RPRD2: variants seen among roughly 807,000 people sequenced by gnomAD.
The protein encoded by RPRD2 is regulation of nuclear pre-mRNA domain-containing protein 2.
Under a neutral mutation model 104.4 loss-of-function variants are expected in RPRD2, and 12 were observed. That is an observed-to-expected ratio of 0.11 (90% CI 0.07 to 0.19). RPRD2 has a LOEUF of 0.19. Ranked by LOEUF, RPRD2 falls within the 10% of genes least tolerant of loss-of-function variation. The pLI, the probability that RPRD2 is intolerant of heterozygous loss-of-function variation, is 1.00. For missense variants in RPRD2, 1,543 were observed against 1,790.1 expected (o/e 0.86, Z 2.49); for synonymous variants, 714 against 684.9 (o/e 1.04, Z -0.66).
chr1:150,364,864 G>C lies in RPRD2; in HGVS notation c.150G>C (p.Glu50Asp), dbSNP rs782644683. ...AAGGCTTGTCGTCTTGGTGTATAGA[G>C]AACAAAAAACACCACAGTACTATCG... Reference protein sequence around the residue: ...SIQGLSSWCIENKKHHSTIVY... With the variant: ...SIQGLSSWCIDNKKHHSTIVY... Residue 50 changes from glutamate (E) to aspartate (D), a missense_variant, in exon 1 of 11, where the codon GAG (glutamate) becomes GAC (aspartate). This residue lies in a region of RPRD2 where 88 missense variants were observed against 96.6 expected (regional missense o/e 0.91). Transcript: ENST00000369068. The C allele has an allele frequency of 1.9e-6, 3 of 1,613,960 alleles. No homozygotes were observed. The South Asian group carries it at 3.3e-5, about 18-fold the overall frequency.
chr1:150,469,641 C>T (rs1668484531), intron 10 of RPRD2, among the ~76,000 whole-genome samples: 1 of 152,072 alleles, frequency 6.6e-6, no homozygotes, highest in African/African-American at 2.4e-5. Context: ...TTTATAGAAC[C>T]TTCTGTTATC....
At chr1:150,425,173 A>AAT (rs1158202440) in intron 2 of RPRD2, among the ~76,000 whole-genome samples, 2 of 152,192 alleles carry the variant, frequency 1.3e-5, no homozygotes, top group Non-Finnish European at 2.9e-5. Flanking sequence ...AAGAGTTAAT[A>AAT]ATATATATAA....
Position 150,473,338 on chromosome 1 carries a change from A to T in RPRD2, c.*4A>T, listed in dbSNP as rs1309508681. ...ATTCTTCCCTCCCAGGTACTGATGG[A>T]AACCAAGGGAAAGGCATTTTGAACA... is the stretch of plus-strand genomic sequence containing the variant. On this transcript the variant is annotated 3_prime_UTR_variant, in exon 11 of 11. Coordinates refer to ENST00000369068, the MANE Select transcript of RPRD2 (RefSeq NM_015203.5). The T allele has an allele frequency of 2.5e-6, 4 of 1,600,058 alleles. No homozygotes were observed. Among genetic ancestry groups the T allele is most frequent in the Non-Finnish European group, 3.4e-6 (4 of 1,173,758 alleles).
chr1:150,439,914 T>G (rs1401146855), intron 2 of RPRD2, among the ~76,000 whole-genome samples: 3 of 152,192 alleles, frequency 2.0e-5, no homozygotes, highest in Non-Finnish European at 4.4e-5. Context: ...ATTAAAATCT[T>G]TACTTAAATT....
chr1:150,406,839 C>T (rs1008504781), intron 1 of RPRD2, among the ~76,000 whole-genome samples: 3 of 152,106 alleles, frequency 2.0e-5, no homozygotes, highest in East Asian at 3.8e-4. Flanking sequence ...CTCAACTTCC[C>T]GAGTAGCTGG....
At chr1:150,420,406 A>T (rs587632192) in intron 2 of RPRD2, among the ~76,000 whole-genome samples, 1 of 152,352 alleles carries the variant, frequency 6.6e-6, no homozygotes, top group South Asian at 2.1e-4. Context: ...TCAGTGAAAC[A>T]TGTCTTCAGA....
Position 150,393,116 on chromosome 1 carries a change from T to C in RPRD2, c.206-24480T>C, listed in dbSNP as rs587651822. On this transcript the variant is annotated intron_variant, in intron 1 of 10. Coordinates refer to ENST00000369068, the MANE Select transcript of RPRD2 (RefSeq NM_015203.5). The stretch of plus-strand genomic sequence containing the variant: ...AAAGGCAGTTACTAACCAAAAACAA[T>C]AAAAAACATACCGCTATAGTAGCTG... 2.8e-4 allele frequency among the ~76,000 whole-genome samples: 42 copies of C among 151,590 alleles called. 1 individual carries two copies. Among genetic ancestry groups the C allele is most frequent in the Middle Eastern group, 3.4e-3 (1 of 294 alleles).
intron 1 of RPRD2, among the ~76,000 whole-genome samples, chr1:150,382,055 G>A (rs1251606343): frequency 6.6e-6 from 1 of 152,112 alleles, no homozygotes; most frequent in Admixed American, 6.5e-5. Flanking sequence ...TTCAGCAAAT[G>A]ATAACTTGTC....
chr1:150,406,404 A>G (rs1663479587), intron 1 of RPRD2, among the ~76,000 whole-genome samples: 1 of 152,168 alleles, frequency 6.6e-6, no homozygotes, highest in South Asian at 2.1e-4. Context: ...CTTAGTACTT[A>G]CAGGTAAAAA....
Position 150,364,506 on chromosome 1 carries a change from C to G in RPRD2, c.-209C>G, listed in dbSNP as rs1659671997. The G allele has an allele frequency of 3.8e-6, 2 of 520,936 alleles. No individual in the cohort carries two copies. The highest frequency in any genetic ancestry group is 6.7e-6 in the Non-Finnish European group (2 of 296,980). The allele number at this position is 520,936 out of a possible 1,614,324, so 32.3% of individuals were successfully genotyped here. A position where few individuals can be genotyped will look rare whatever the true frequency, so the allele number is the denominator to read the frequency against. On this transcript the variant is annotated 5_prime_UTR_variant, in exon 1 of 11. Transcript: ENST00000369068. ...AAACCTCCGAGACCCGCAGCCCCTC[C>G]TTGCAGCGTGTAGGAGCTGCCAGCG... is the stretch of plus-strand genomic sequence containing the variant.
intron 1 of RPRD2, among the ~76,000 whole-genome samples, chr1:150,408,096 A>G (rs587739890): frequency 2.0e-5 from 3 of 151,708 alleles, no homozygotes; most frequent in Admixed American, 6.6e-5. Context: ...TTTTATATAA[A>G]GGTATTATAA....
At chr1:150,442,971 T>C (rs1666505602) in intron 4 of RPRD2, among the ~76,000 whole-genome samples, 1 of 152,088 alleles carries the variant, frequency 6.6e-6, no homozygotes, top group Non-Finnish European at 1.5e-5. Flanking sequence ...TGTCTCCAAA[T>C]CAATAATTCT....
At chr1:150,466,539 G>A (rs1668290684) in intron 10 of RPRD2, among the ~76,000 whole-genome samples, 1 of 128,418 alleles carries the variant, frequency 7.8e-6, no homozygotes, top group African/African-American at 3.2e-5. Context: ...ATGAGACCCT[G>A]CCTCAAAAAA....
chr1:150,382,878 G>T (rs181800832), intron 1 of RPRD2, among the ~76,000 whole-genome samples: 3 of 152,042 alleles, frequency 2.0e-5, no homozygotes, highest in African/African-American at 7.2e-5. Context: ...AAGAGATAAG[G>T]TTTCACCACG....
chr1:150,420,730 G>A (rs782458251), intron 2 of RPRD2, among the ~76,000 whole-genome samples: 4 of 152,150 alleles, frequency 2.6e-5, no homozygotes, highest in Non-Finnish European at 4.4e-5. Flanking sequence ...GGAGGCTGAG[G>A]CACAAGAATC....
intron 1 of RPRD2, among the ~76,000 whole-genome samples, chr1:150,397,486 T>C (rs1419823140): frequency 6.6e-6 from 1 of 152,208 alleles, no homozygotes; most frequent in African/African-American, 2.4e-5. Flanking sequence ...CCCATTTTTA[T>C]TGAACCCCTT....
Position 150,402,928 on chromosome 1 carries a change from A to G in RPRD2, c.206-14668A>G, listed in dbSNP as rs1407061307. 3.3e-5 allele frequency among the ~76,000 whole-genome samples: 5 copies of G among 151,584 alleles called. No individual in the cohort carries two copies. In the East Asian group the frequency reaches 7.7e-4, roughly 23 times the overall value. ...GGTTGCGGTGAGCCGAGATCGCGCC[A>G]CTGCACTCCAGCCTGGGTAACAAGA... On this transcript the variant is annotated intron_variant, in intron 1 of 10. Transcript: ENST00000369068.
rs587613666 is a variant in RPRD2, at chr1:150,398,487, T to C, written c.206-19109T>C. On this transcript the variant is annotated intron_variant, in intron 1 of 10. Coordinates refer to ENST00000369068, the MANE Select transcript of RPRD2 (RefSeq NM_015203.5). ...CTGGGATTACAGGCGTGAGCCACCG[T>C]GCCTGGCCTATTTTATTTTATTTTA... Among the ~76,000 whole-genome samples the C allele has an allele frequency of 6.6e-5, 10 of 150,890 alleles. No individual in the cohort carries two copies. The East Asian group carries it at 1.0e-3, about 15-fold the overall frequency.
rs116453607 is a variant in RPRD2, at chr1:150,383,234, A to G, written c.205+18315A>G. Reference sequence around the variant, plus strand: ...GGTCTCGAACTCCTGGACTCAAGCTATCCTCTTGCCTTGACCTCCCAAAGT... The same window carrying G: ...GGTCTCGAACTCCTGGACTCAAGCTGTCCTCTTGCCTTGACCTCCCAAAGT... On this transcript the variant is annotated intron_variant, in intron 1 of 10. Transcript: ENST00000369068. Among the ~76,000 whole-genome samples the G allele has an allele frequency of 1.1e-3, 169 of 150,610 alleles. 3 individuals carry two copies. Among genetic ancestry groups the G allele is most frequent in the African/African-American group, 3.9e-3 (159 of 40,794 alleles).
Sources: allele counts gnomAD v4.1 joint callset (sites outside exome capture counted in the v4.1 genomes callset), GRCh38; gene constraint gnomAD v4.1.1; regional missense constraint gnomAD v4.1.1; transcripts MANE v1.5; gene names NCBI Gene and HGNC (gene_info 2026-07-23, HGNC 2026-07-21).